PPDPF: variants seen among roughly 807,000 people sequenced by gnomAD.
The protein encoded by PPDPF is pancreatic progenitor cell differentiation and proliferation factor.
PPDPF carries 11 observed loss-of-function variants against 6.3 expected under a neutral mutation model. The observed-to-expected ratio is 1.76, with a 90% CI of 1.11 to 2.91. The LOEUF (loss-of-function observed/expected upper bound fraction) is 2.91, where lower values mean the gene tolerates loss of function less well. Among genes scored for constraint, PPDPF ranks in the 30% most tolerant of loss-of-function variants. The pLI is 0.00. For synonymous variants in PPDPF, 86 were observed against 64.5 expected (o/e 1.33, Z -1.60); for missense variants, 202 against 159.4 (o/e 1.27, Z -1.44).
chr20:63,521,552 T>C lies in PPDPF; in HGVS notation c.96T>C (p.Ser32=), dbSNP rs138833886. The part of the protein sequence containing the change: ...GSTSSNSSCS[S]TECPGEAIPH... ...CTTCCAGCAACAGCTCCTGCAGCAGTACCGAGTGCCCCGGGGAAGCCATTC... is the reference window on the plus strand; with the variant it reads ...CTTCCAGCAACAGCTCCTGCAGCAGCACCGAGTGCCCCGGGGAAGCCATTC... The change falls in exon 3 of 4, where the codon AGT becomes AGC. Residue 32 remains serine (S), a synonymous_variant. Coordinates refer to ENST00000370179, the MANE Select transcript of PPDPF (RefSeq NM_024299.4). The C allele has an allele frequency of 4.1e-4, 658 of 1,603,820 alleles. No individual in the cohort carries two copies. In the African/African-American group the frequency reaches 5.2e-3, roughly 13 times the overall value.
chr20:63,521,958 G>GCCCCTCTCCCCACTCCC lies in PPDPF; in HGVS notation c.*80_*81insCCCTCTCCCCACTCCCC. On this transcript the variant is annotated 3_prime_UTR_variant, in exon 4 of 4. Transcript: ENST00000370179. ...CCCTCCCCGCCCCTCTCCCCACTCC[G>GCCCCTCTCCCCACTCCC]CATCCCTCGCCCCCCTCCCCACCTC... is the stretch of plus-strand genomic sequence containing the variant. 1 of 938,378 alleles carries GCCCCTCTCCCCACTCCC rather than the reference G, an allele frequency of 1.1e-6. No individual in the cohort carries two copies. The highest frequency in any genetic ancestry group is 2.9e-5 in the East Asian group (1 of 34,218). 58.1% of individuals were successfully genotyped at this position (938,378 alleles called of 1,614,324 possible).
At position 63,521,302 on chromosome 20, in the gene PPDPF, C is replaced by T. The variant is rs2082542182; in HGVS notation, c.-7C>T. On this transcript the variant is annotated 5_prime_UTR_variant, in exon 2 of 4. Transcript: ENST00000370179. ...TGCGCAGATCCCACCAGCCAGCAAG[C>T]TAAAGCATGGCGGCCATCCCCTCCA... 2 of 1,609,714 alleles carry T rather than the reference C, an allele frequency of 1.2e-6. No individual in the cohort carries two copies. Among genetic ancestry groups the T allele is most frequent in the East Asian group, 4.5e-5 (2 of 44,618 alleles).
rs773810085 is a variant in PPDPF at position 63,521,338 on chromosome 20, C to A, written c.30C>A (p.Leu10=). Residue 10 remains leucine, a synonymous_variant, in exon 2 of 4, where the codon CTC becomes CTA. Transcript: ENST00000370179. MAAIPSSGS[L]VATHDYYRRR... is the part of the protein sequence containing the mutation. ...CGGCCATCCCCTCCAGCGGCTCGCTCGTGGCCACCCACGACTACTACCGGC... is the reference window on the plus strand; with the variant it reads ...CGGCCATCCCCTCCAGCGGCTCGCTAGTGGCCACCCACGACTACTACCGGC... The A allele has an allele frequency of 3.7e-6, 6 of 1,608,868 alleles. No homozygotes were observed. Among genetic ancestry groups the A allele is most frequent in the Non-Finnish European group, 5.1e-6 (6 of 1,178,528 alleles).
In PPDPF at chr20:63,521,313, C is replaced by T. The variant is rs2082542299; in HGVS notation, c.5C>T (p.Ala2Val). Reference protein sequence around the residue: MAAIPSSGSLVA... With the variant: MVAIPSSGSLVA... ...CACCAGCCAGCAAGCTAAAGCATGG[C>T]GGCCATCCCCTCCAGCGGCTCGCTC... The change falls in exon 2 of 4, where the codon GCG becomes GTG. Residue 2 changes from alanine (A) to valine (V), a missense_variant. Ala to Val is a moderately conservative substitution (Grantham distance 64, BLOSUM62 0). Coordinates refer to ENST00000370179, the MANE Select transcript of PPDPF (RefSeq NM_024299.4). 1.2e-6 allele frequency: 2 copies of T among 1,609,988 alleles called. No individual in the cohort carries two copies. Among genetic ancestry groups the T allele is most frequent in the Non-Finnish European group, 1.7e-6 (2 of 1,178,750 alleles).
In PPDPF at chr20:63,521,236, A is replaced by G. The variant is rs530170640; in HGVS notation, c.-25-48A>G. On this transcript the variant is annotated intron_variant, in intron 1 of 3. Coordinates refer to ENST00000370179, the MANE Select transcript of PPDPF (RefSeq NM_024299.4). ...CTCCACCCGCTGGGGAGCGCCCTTC[A>G]TGACGGAAGGCCGCTGACCCGAGGG... 3 of 1,484,316 alleles carry G rather than the reference A, an allele frequency of 2.0e-6. No homozygotes were observed. The African/African-American group carries it at 4.2e-5, about 21-fold the overall frequency. The allele number at this position is 1,484,316 out of a possible 1,614,324, so 91.9% of individuals were successfully genotyped here. A position where few individuals can be genotyped will look rare whatever the true frequency, so the allele number is the denominator to read the frequency against.
At position 63,521,951 on chromosome 20, in the gene PPDPF, C is replaced by G; in HGVS notation, c.*72C>G. On this transcript the variant is annotated 3_prime_UTR_variant, in exon 4 of 4. Coordinates refer to ENST00000370179, the MANE Select transcript of PPDPF (RefSeq NM_024299.4). ...CCAGAGCCCCTCCCCGCCCCTCTCC[C>G]CACTCCGCATCCCTCGCCCCCCTCC... The G allele has an allele frequency of 8.1e-7, 1 of 1,230,274 alleles. No homozygotes were observed. The allele number at this position is 1,230,274 out of a possible 1,614,324, so 76.2% of individuals were successfully genotyped here.
At chr20:63,521,082 C>T (rs1188444174) in intron 1 of PPDPF, among the ~76,000 whole-genome samples, 188 bp downstream of exon 1, 4 of 152,034 alleles carry the variant, frequency 2.6e-5, no homozygotes, top group Non-Finnish European at 5.9e-5. Flanking sequence ...GCCGGGGCCC[C>T]GCGCACAAAG....
rs2082541884 is a variant in PPDPF, at chr20:63,521,279, C to T, written c.-25-5C>T. 3 of 1,599,022 alleles carry T rather than the reference C, an allele frequency of 1.9e-6. No individual in the cohort carries two copies. The East Asian group carries it at 6.9e-5, about 37-fold the overall frequency. ...CCCGAGGGGCTCCTCCACCCCCATG[C>T]GCAGATCCCACCAGCCAGCAAGCTA... On this transcript the variant is annotated splice_polypyrimidine_tract_variant and splice_region_variant and intron_variant, in intron 1 of 3. Coordinates refer to ENST00000370179, the MANE Select transcript of PPDPF (RefSeq NM_024299.4).
In PPDPF at chr20:63,521,531, C is replaced by G; in HGVS notation, c.75C>G (p.Ser25=). The change falls in exon 3 of 4, where the codon TCC becomes TCG. Residue 25 remains serine (S), a synonymous_variant. Coordinates refer to ENST00000370179, the MANE Select transcript of PPDPF (RefSeq NM_024299.4). The part of the protein sequence containing the change: ...DYYRRRLGST[S]SNSSCSSTEC... ...CTCCAGGCCGCCTGGGTTCCACTTC[C>G]AGCAACAGCTCCTGCAGCAGTACCG... 6.3e-7 allele frequency: 1 copy of G among 1,585,814 alleles called. No individual in the cohort carries two copies. Among genetic ancestry groups the G allele is most frequent in the African/African-American group, 1.3e-5 (1 of 74,394 alleles).
Position 63,521,571 on chromosome 20 carries a change from G to A in PPDPF, c.115G>A (p.Ala39Thr). Reference sequence around the variant, plus strand: ...CAGCAGTACCGAGTGCCCCGGGGAAGCCATTCCCCACCCCCCAGGTGAGTG... The same window carrying A: ...CAGCAGTACCGAGTGCCCCGGGGAAACCATTCCCCACCCCCCAGGTGAGTG... ...SCSSTECPGE[A>T]IPHPPGLPKA... Residue 39 changes from alanine (A) to threonine (T), a missense_variant, in exon 3 of 4, where the codon GCC becomes ACC. By Grantham distance (58) the Ala-to-Thr change is moderately conservative. Coordinates refer to ENST00000370179, the MANE Select transcript of PPDPF (RefSeq NM_024299.4). 12 of 1,608,376 alleles carry A rather than the reference G, an allele frequency of 7.5e-6. No individual in the cohort carries two copies. Among genetic ancestry groups the A allele is most frequent in the Non-Finnish European group, 1.0e-5 (12 of 1,177,294 alleles).
At position 63,521,266 on chromosome 20, in the gene PPDPF, C is replaced by T; in HGVS notation, c.-25-18C>T. 1.3e-6 allele frequency: 2 copies of T among 1,575,758 alleles called. No homozygotes were observed. Among genetic ancestry groups the T allele is most frequent in the Middle Eastern group, 1.7e-4 (1 of 5,972 alleles). On this transcript the variant is annotated intron_variant, in intron 1 of 3. Coordinates refer to ENST00000370179, the MANE Select transcript of PPDPF (RefSeq NM_024299.4). ...GGAAGGCCGCTGACCCGAGGGGCTC[C>T]TCCACCCCCATGCGCAGATCCCACC...
Position 63,522,163 on chromosome 20 carries a change from T to G in PPDPF, c.*284T>G. 1 of 484,438 alleles carries G rather than the reference T, an allele frequency of 2.1e-6. No individual in the cohort carries two copies. The allele number at this position is 484,438 out of a possible 1,614,324, so 30.0% of individuals were successfully genotyped here. ...CGGAAAATAAACTCCAAGCAGCCAG[T>G]AGCCCCGATGGTGTGTGCCTGAGCT... On this transcript the variant is annotated 3_prime_UTR_variant, in exon 4 of 4. Transcript: ENST00000370179.
Position 63,521,498 on chromosome 20 carries a change from C to G in PPDPF, c.56-14C>G. On this transcript the variant is annotated splice_polypyrimidine_tract_variant and intron_variant, in intron 2 of 3. Coordinates refer to ENST00000370179, the MANE Select transcript of PPDPF (RefSeq NM_024299.4). ...TCCGCGCCCCGCGTTGCTGACGGGA[C>G]CTCTCCTCTCCAGGCCGCCTGGGTT... 6.4e-7 allele frequency: 1 copy of G among 1,566,940 alleles called. No individual in the cohort carries two copies. The highest frequency in any genetic ancestry group is 8.7e-7 in the Non-Finnish European group (1 of 1,154,936).
At position 63,521,963 on chromosome 20, in the gene PPDPF, C is replaced by T. The variant is rs1411739032; in HGVS notation, c.*84C>T. The T allele has an allele frequency of 1.9e-6, 2 of 1,033,368 alleles. No homozygotes were observed. Among genetic ancestry groups the T allele is most frequent in the Non-Finnish European group, 1.4e-6 (1 of 718,782 alleles). The allele number at this position is 1,033,368 out of a possible 1,614,324, so 64.0% of individuals were successfully genotyped here. On this transcript the variant is annotated 3_prime_UTR_variant, in exon 4 of 4. Coordinates refer to ENST00000370179, the MANE Select transcript of PPDPF (RefSeq NM_024299.4). ...CCCGCCCCTCTCCCCACTCCGCATC[C>T]CTCGCCCCCCTCCCCACCTCCCACC... is the stretch of plus-strand genomic sequence containing the variant.
At position 63,522,108 on chromosome 20, in the gene PPDPF, G is replaced by C; in HGVS notation, c.*229G>C. On this transcript the variant is annotated 3_prime_UTR_variant, in exon 4 of 4. Transcript: ENST00000370179. ...GGCCCCAGCACTCGCTAGCTTTCCT[G>C]ACACCTGGAACTGTGCACCTGGCAC... The C allele has an allele frequency of 1.7e-6, 1 of 597,318 alleles. No homozygotes were observed. The highest frequency in any genetic ancestry group is 3.1e-6 in the Non-Finnish European group (1 of 325,748). The allele number at this position is 597,318 out of a possible 1,614,324, so 37.0% of individuals were successfully genotyped here.
At position 63,521,546 on chromosome 20, in the gene PPDPF, C is replaced by T. The variant is rs1022194325; in HGVS notation, c.90C>T (p.Cys30=). 2.1e-5 allele frequency: 34 copies of T among 1,599,650 alleles called. No homozygotes were observed. Among genetic ancestry groups the T allele is most frequent in the Middle Eastern group, 1.7e-4 (1 of 6,006 alleles). ...GTTCCACTTCCAGCAACAGCTCCTG[C>T]AGCAGTACCGAGTGCCCCGGGGAAG... ...RLGSTSSNSS[C]SSTECPGEAI... The change falls in exon 3 of 4, where the codon TGC becomes TGT. Residue 30 remains cysteine, a synonymous_variant. Transcript: ENST00000370179.
At position 63,521,933 on chromosome 20, in the gene PPDPF, C is replaced by T; in HGVS notation, c.*54C>T. Reference sequence around the variant, plus strand: ...TGCGGAGGCGCTAGTCCACCAGAGCCCCTCCCCGCCCCTCTCCCCACTCCG... The same window carrying T: ...TGCGGAGGCGCTAGTCCACCAGAGCTCCTCCCCGCCCCTCTCCCCACTCCG... On this transcript the variant is annotated 3_prime_UTR_variant, in exon 4 of 4. Coordinates refer to ENST00000370179, the MANE Select transcript of PPDPF (RefSeq NM_024299.4). 1 of 1,348,888 alleles carries T rather than the reference C, an allele frequency of 7.4e-7. No individual in the cohort carries two copies. The highest frequency in any genetic ancestry group is 1.0e-6 in the Non-Finnish European group (1 of 987,002). 83.6% of individuals were successfully genotyped at this position (1,348,888 alleles called of 1,614,324 possible). A position where few individuals can be genotyped will look rare whatever the true frequency, so the allele number is the denominator to read the frequency against.
rs747992674 is a variant in PPDPF, at chr20:63,521,867, G to T, written c.333G>T (p.Gly111=). 1.9e-5 allele frequency: 30 copies of T among 1,591,444 alleles called. No individual in the cohort carries two copies. Among genetic ancestry groups the T allele is most frequent in the Non-Finnish European group, 2.3e-5 (27 of 1,170,016 alleles). The change falls in exon 4 of 4, where the codon GGG becomes GGT. Residue 111 remains glycine (G), a synonymous_variant. Coordinates refer to ENST00000370179, the MANE Select transcript of PPDPF (RefSeq NM_024299.4). ...GTCAGTCCAGCACAGCCAGCGCTGG[G>T]CCCCCGTCCTGACCTGAGCGGTTAC... is the stretch of plus-strand genomic sequence containing the variant. ...PGGQSSTASA[G]PPS is the part of the protein sequence containing the mutation.
rs910407745 is a variant in PPDPF at position 63,522,018 on chromosome 20, A to C, written c.*139A>C. Reference sequence around the variant, plus strand: ...ACCCTGTAAACTAGGCGGCTGCAGCAAGCAGACCTTCGCATCAACACAGCA... The same window carrying C: ...ACCCTGTAAACTAGGCGGCTGCAGCCAGCAGACCTTCGCATCAACACAGCA... On this transcript the variant is annotated 3_prime_UTR_variant, in exon 4 of 4. Coordinates refer to ENST00000370179, the MANE Select transcript of PPDPF (RefSeq NM_024299.4). 1 of 687,488 alleles carries C rather than the reference A, an allele frequency of 1.5e-6. No homozygotes were observed. The highest frequency in any genetic ancestry group is 1.7e-5 in the South Asian group (1 of 57,926). 42.6% of individuals were successfully genotyped at this position (687,488 alleles called of 1,614,324 possible).
Sources: allele counts gnomAD v4.1 joint callset (sites outside exome capture counted in the v4.1 genomes callset), GRCh38; gene constraint gnomAD v4.1.1; transcripts MANE v1.5; gene names NCBI Gene and HGNC (gene_info 2026-07-23, HGNC 2026-07-21).